Variants in TAF2 observed in about 807,000 individuals in gnomAD.
TAF2 encodes the protein TATA-box binding protein associated factor 2, also known as transcription initiation factor TFIID subunit 2.
Under a neutral mutation model 138.5 loss-of-function variants are expected in TAF2, and 61 were observed. The observed-to-expected ratio is 0.44, with a 90% confidence interval of 0.36 to 0.54. The LOEUF is 0.54. TAF2 is among the 20% of genes least tolerant of loss of function. The pLI is 0.00. For synonymous variants in TAF2, 475 were observed against 469.9 expected (o/e 1.01, Z -0.14); for missense variants, 1,090 against 1,427.9 (o/e 0.76, Z 3.81).
At chr8:119,797,541 C>T (rs1823917399) in intron 7 of TAF2, 121 bp downstream of exon 7, 12 of 1,000,586 alleles carry the variant, frequency 1.2e-5, no homozygotes, top group Non-Finnish European at 1.8e-5. Context: ...TGTACAAAGC[C>T]AATCACATCC....
chr8:119,754,073 T>C (rs1221994943), intron 22 of TAF2, among the ~76,000 whole-genome samples: 2 of 152,178 alleles, frequency 1.3e-5, no homozygotes, highest in Non-Finnish European at 2.9e-5. Context: ...AGCAATATTT[T>C]AGTATAAACT....
chr8:119,778,871 CA>C (rs1200564742), intron 17 of TAF2, among the ~76,000 whole-genome samples: 2 of 152,160 alleles, frequency 1.3e-5, no homozygotes, highest in Non-Finnish European at 2.9e-5. Context: ...ACTACAGATG[CA>C]TAGACATCTC....
At chr8:119,771,531 C>T (rs771957654) in intron 18 of TAF2, among the ~76,000 whole-genome samples, 3 of 152,078 alleles carry the variant, frequency 2.0e-5, no homozygotes, top group South Asian at 2.1e-4. Flanking sequence ...CCACTGTGCC[C>T]GGCCACGAGT....
At chr8:119,788,979 T>C in intron 12 of TAF2, 75 bp from the exon 13 acceptor site, 5 of 1,024,488 alleles carry the variant, frequency 4.9e-6, no homozygotes, top group Non-Finnish European at 3.1e-6. Context: ...CATCATGGTA[T>C]TAATAATTTT....
At chr8:119,732,949 G>A (rs569553683) in intron 25 of TAF2, among the ~76,000 whole-genome samples, 35 of 152,226 alleles carry the variant, frequency 2.3e-4, no homozygotes, top group African/African-American at 8.2e-4. Flanking sequence ...TTTGAACTGC[G>A]TGAGCCCATT....
intron 2 of TAF2, among the ~76,000 whole-genome samples, chr8:119,820,829 A>C (rs558727986): frequency 6.6e-6 from 1 of 152,240 alleles, no homozygotes; most frequent in Non-Finnish European, 1.5e-5. Flanking sequence ...AAACACAGAG[A>C]ACAAAAGAAC....
At chr8:119,733,353 C>A (rs1819007980) in intron 25 of TAF2, among the ~76,000 whole-genome samples, 1 of 152,058 alleles carries the variant, frequency 6.6e-6, no homozygotes, top group South Asian at 2.1e-4. Flanking sequence ...AAGGGAACAT[C>A]TGTCTCTCTA....
At chr8:119,738,896 T>TA (rs201122642) in intron 25 of TAF2, among the ~76,000 whole-genome samples, 1,769 of 150,344 alleles carry the variant, frequency 0.012, 32 homozygotes, top group African/African-American at 0.039. Flanking sequence ...TAGATCACTG[T>TA]AAAAAAAAAG....
chr8:119,739,041 T>A (rs1203150339), intron 25 of TAF2, among the ~76,000 whole-genome samples: 1 of 151,000 alleles, frequency 6.6e-6, no homozygotes, highest in African/African-American at 2.4e-5. Context: ...AATTAAAAAA[T>A]TTACCAGAAT....
chr8:119,744,543 T>C, intron 23 of TAF2, 150 bp from the exon 24 acceptor site: 3 of 700,048 alleles, frequency 4.3e-6, no homozygotes, highest in East Asian at 2.7e-5. Context: ...TTCAAAGATA[T>C]TAAGAGAAAG....
At chr8:119,768,935 C>T (rs1299714276) in intron 18 of TAF2, among the ~76,000 whole-genome samples, 1 of 152,146 alleles carries the variant, frequency 6.6e-6, no homozygotes, top group Non-Finnish European at 1.5e-5. Context: ...CGACAGTGTG[C>T]ATCTGCATGG....
intron 3 of TAF2, among the ~76,000 whole-genome samples, chr8:119,818,129 A>G (rs1825594460): frequency 6.6e-6 from 1 of 152,250 alleles, no homozygotes; most frequent in Admixed American, 6.5e-5. Context: ...CCTCCCTTCT[A>G]AAACTTTGCA....
In TAF2 at chr8:119,791,333, A is replaced by G; in HGVS notation, c.1404T>C (p.Phe468=). The G allele has an allele frequency of 6.2e-7, 1 of 1,613,598 alleles. No individual in the cohort carries two copies. Among genetic ancestry groups the G allele is most frequent in the Non-Finnish European group, 8.5e-7 (1 of 1,179,772 alleles). ...TAACTTTAATACTTACTTGTAGCAT[A>G]AATTCCATACTGATCCTATTTTCAA... ...RLIENRISME[F]MLQVFNKLLS... is the part of the protein sequence containing the mutation. The change falls in exon 11 of 26, where the codon TTT becomes TTC. Residue 468 remains phenylalanine (F), a synonymous_variant. Transcript: ENST00000378164.
At chr8:119,767,997 A>G (rs897624698) in intron 18 of TAF2, among the ~76,000 whole-genome samples, 1 of 152,170 alleles carries the variant, frequency 6.6e-6, no homozygotes, top group Admixed American at 6.5e-5. Flanking sequence ...CAACAGCGAA[A>G]TACACCTCCA....
chr8:119,756,935 A>G (rs1319111763), intron 21 of TAF2, among the ~76,000 whole-genome samples: 1 of 152,216 alleles, frequency 6.6e-6, no homozygotes, highest in African/African-American at 2.4e-5. Context: ...CTCTAGCACC[A>G]AGTTTGAGAA....
chr8:119,736,214 A>G (rs2043431), intron 25 of TAF2, among the ~76,000 whole-genome samples: 69,385 of 152,074 alleles, frequency 0.46, 16,435 homozygotes, highest in African/African-American at 0.56. Flanking sequence ...TCTAGACAGT[A>G]GCCTTACACT....
chr8:119,811,912 G>A (rs1372505172), intron 3 of TAF2, among the ~76,000 whole-genome samples: 1 of 151,066 alleles, frequency 6.6e-6, no homozygotes, highest in African/African-American at 2.4e-5. Flanking sequence ...CTATGAAAAA[G>A]CCTAGGGGTT....
At position 119,825,053 on chromosome 8, in the gene TAF2, C is replaced by T. The variant is rs1306917913; in HGVS notation, c.139-5547G>A. On this transcript the variant is annotated intron_variant, in intron 2 of 25. Coordinates refer to ENST00000378164, the MANE Select transcript of TAF2 (RefSeq NM_003184.4). ...AGAATGGTTCACTGACAACATGCAC[C>T]GTGCACCTGGAAAAGCTGCAGACAC... Among the ~76,000 whole-genome samples the T allele has an allele frequency of 1.1e-4, 16 of 152,220 alleles. No individual in the cohort carries two copies. The South Asian group carries it at 2.9e-3, about 28-fold the overall frequency.
At chr8:119,824,437 A>G (rs1825974516) in intron 2 of TAF2, among the ~76,000 whole-genome samples, 2 of 152,004 alleles carry the variant, frequency 1.3e-5, no homozygotes, top group Admixed American at 1.3e-4. Flanking sequence ...TCAAAAAAAA[A>G]AAAAAAGAAA....
Sources: allele counts gnomAD v4.1 joint callset (sites outside exome capture counted in the v4.1 genomes callset), GRCh38; gene constraint gnomAD v4.1.1; transcripts MANE v1.5; gene names NCBI Gene and HGNC (gene_info 2026-07-23, HGNC 2026-07-21).